LINS1: variants seen among roughly 807,000 people sequenced by gnomAD.
The protein encoded by LINS1 is lines homolog 1, also known as protein Lines homolog 1.
A neutral mutation model predicts 41.6 loss-of-function variants in LINS1; 27 were observed. That is an observed-to-expected ratio of 0.65 (90% confidence interval 0.48 to 0.89). LINS1 has a LOEUF of 0.89. Among genes scored for constraint, LINS1 ranks in the 40% least tolerant of loss-of-function variants. The pLI, the probability that LINS1 is intolerant of heterozygous loss-of-function variation, is 0.00. For synonymous variants in LINS1, 336 were observed against 312.9 expected, an observed-to-expected ratio of 1.07 and a Z score of -0.78; for missense variants, 955 against 884.1, an observed-to-expected ratio of 1.08 and a Z score of -1.02.
At chr15:100,596,379 ACT>A (rs1038107366) in intron 1 of LINS1, among the ~76,000 whole-genome samples, 4 of 151,114 alleles carry the variant, frequency 2.6e-5, no homozygotes, top group African/African-American at 7.3e-5. Context: ...GAGAATACAA[ACT>A]CTGTCACGTG....
chr15:100,577,478 A>C (rs1253282912), intron 3 of LINS1, among the ~76,000 whole-genome samples: 1 of 152,192 alleles, frequency 6.6e-6, no homozygotes, highest in Admixed American at 6.5e-5. Context: ...GATGTGAAGG[A>C]CCTCTTCAAG....
At chr15:100,574,289 C>T (rs1256728451) in intron 4 of LINS1, 48 bp from the exon 5 acceptor site, 2 of 1,221,346 alleles carry the variant, frequency 1.6e-6, no homozygotes, top group Non-Finnish European at 1.2e-6. Context: ...CAGTCTTCTT[C>T]AAACAATTTT....
intron 4 of LINS1, 118 bp from the exon 5 acceptor site, chr15:100,574,359 C>A (rs1442917884): frequency 1.4e-6 from 1 of 717,342 alleles, no homozygotes; most frequent in African/African-American, 1.8e-5. Flanking sequence ...GGAATGTTTA[C>A]CTCTAACATT....
intron 1 of LINS1, among the ~76,000 whole-genome samples, chr15:100,593,960 T>G (rs2039142785): frequency 1.3e-5 from 2 of 152,228 alleles, no homozygotes; most frequent in South Asian, 4.1e-4. Context: ...GATAGCGATT[T>G]GACTGAGTTT....
At chr15:100,585,441 T>A (rs954557088) in intron 1 of LINS1, among the ~76,000 whole-genome samples, 2 of 152,234 alleles carry the variant, frequency 1.3e-5, no homozygotes, top group African/African-American at 2.4e-5. Flanking sequence ...GCAGGGGGCC[T>A]GGTTAACATG....
intron 3 of LINS1, 71 bp from the exon 4 acceptor site, chr15:100,575,199 A>T (rs981904243): frequency 8.1e-6 from 11 of 1,358,504 alleles, no homozygotes; most frequent in Non-Finnish European, 1.1e-5. Context: ...TGTATACAAC[A>T]TTGTTTATAC....
rs570451134 is a variant in LINS1, at chr15:100,566,947, T to C, written c.*2291A>G. 6.6e-6 allele frequency: 1 copy of C among 152,352 alleles called. No individual in the cohort carries two copies. The highest frequency in any genetic ancestry group is 1.5e-5 in the Non-Finnish European group (1 of 68,030). The allele number at this position is 152,352 out of a possible 1,614,324, so 9.4% of individuals were successfully genotyped here. A position where few individuals can be genotyped will look rare whatever the true frequency, so the allele number is the denominator to read the frequency against. On this transcript the variant is annotated 3_prime_UTR_variant, in exon 7 of 7. Transcript: ENST00000314742. ...CATGAGTTATAATGCATTCAACATTTATGTACCCTTAGGAACAAGAGTCGA... is the reference window on the plus strand; with the variant it reads ...CATGAGTTATAATGCATTCAACATTCATGTACCCTTAGGAACAAGAGTCGA...
At chr15:100,570,394 A>G (rs1294212893) in intron 6 of LINS1, 1 of 318,708 alleles carries the variant, frequency 3.1e-6, no homozygotes, top group African/African-American at 2.2e-5. Flanking sequence ...AGAACTCCTC[A>G]TTCTTATAGG....
rs56911211 is a variant in LINS1, at chr15:100,600,551, C to CAAAAAAAAAAAAAAAAAAA, written c.-104+1551_-104+1569dup. On this transcript the variant is annotated intron_variant, in intron 1 of 6. Coordinates refer to ENST00000314742, the MANE Select transcript of LINS1 (RefSeq NM_001040616.3). ...TTTACATTGGAGTCCTGCTGTTAAG[C>CAAAAAAAAAAAAAAAAAAA]AAAAAAAAAAAAAAAAAAAACAGGG... 3.0e-4 allele frequency among the ~76,000 whole-genome samples: 24 copies of CAAAAAAAAAAAAAAAAAAA among 79,676 alleles called. 5 individuals are homozygous for CAAAAAAAAAAAAAAAAAAA. The highest frequency in any genetic ancestry group is 1.5e-3 in the African/African-American group (23 of 15,012). 52.3% of individuals were successfully genotyped at this position (79,676 alleles called of 152,430 possible).
intron 1 of LINS1, among the ~76,000 whole-genome samples, chr15:100,597,584 A>G (rs1426623983): frequency 6.6e-6 from 1 of 152,234 alleles, no homozygotes; most frequent in Non-Finnish European, 1.5e-5. Flanking sequence ...AAATAAATGG[A>G]AATTATCCAG....
chr15:100,596,826 T>C (rs1357129304), intron 1 of LINS1: 2 of 152,172 alleles, frequency 1.3e-5, no homozygotes, highest in Non-Finnish European at 2.9e-5. Context: ...GGCCAAAAAC[T>C]TGACTGAATG....
At chr15:100,601,261 T>C (rs1358806561) in intron 1 of LINS1, among the ~76,000 whole-genome samples, 3 of 152,196 alleles carry the variant, frequency 2.0e-5, no homozygotes, top group Non-Finnish European at 4.4e-5. Context: ...AGTAATTTAT[T>C]GTCTAGTTTT....
intron 1 of LINS1, among the ~76,000 whole-genome samples, chr15:100,591,829 T>C (rs886728990): frequency 1.3e-5 from 2 of 152,126 alleles, no homozygotes; most frequent in African/African-American, 4.8e-5. Flanking sequence ...TCCCAATAGG[T>C]AGGGACTGTG....
chr15:100,574,943 C>T (rs748904728), intron 4 of LINS1, 44 bp downstream of exon 4: 7 of 1,592,116 alleles, frequency 4.4e-6, no homozygotes, highest in Non-Finnish European at 6.0e-6. Context: ...GCAACGCTCC[C>T]AGGAGCAAGA....
At position 100,568,071 on chromosome 15, in the gene LINS1, A is replaced by G. The variant is rs917603282; in HGVS notation, c.*1167T>C. On this transcript the variant is annotated 3_prime_UTR_variant, in exon 7 of 7. Transcript: ENST00000314742. The stretch of plus-strand genomic sequence containing the variant: ...GCTCCTATTACACAAACATATTACA[A>G]TGGAATTTACGGCTTCCCCTCAAGA... The G allele has an allele frequency of 5.9e-5, 9 of 152,326 alleles. No individual in the cohort carries two copies. Among genetic ancestry groups the G allele is most frequent in the East Asian group, 5.8e-4 (3 of 5,190 alleles). The allele number at this position is 152,326 out of a possible 1,614,324, so 9.4% of individuals were successfully genotyped here.
rs376635940 is a variant in LINS1, at chr15:100,574,149, T to C, written c.724A>G (p.Thr242Ala). 11 of 1,613,708 alleles carry C rather than the reference T, an allele frequency of 6.8e-6. No homozygotes were observed. The highest frequency in any genetic ancestry group is 3.3e-4 in the Middle Eastern group (2 of 6,082). The change falls in exon 5 of 7, where the codon ACT becomes GCT. Residue 242 changes from threonine (T) to alanine (A), a missense_variant. Thr to Ala is a moderately conservative substitution (Grantham distance 58, BLOSUM62 0). Coordinates refer to ENST00000314742, the MANE Select transcript of LINS1 (RefSeq NM_001040616.3). ...FSQHFENCRDTSKIVNILMCF... is the reference protein window; with the variant it reads ...FSQHFENCRDASKIVNILMCF... Reference sequence around the variant, plus strand: ...ATCAGGATGTTTACTATTTTAGAAGTATCCCGGCAGTTTTCAAAATGCTGA... The same window carrying C: ...ATCAGGATGTTTACTATTTTAGAAGCATCCCGGCAGTTTTCAAAATGCTGA...
At chr15:100,573,524 T>C (rs893028942) in intron 5 of LINS1, 127 bp downstream of exon 5, 15 of 756,766 alleles carry the variant, frequency 2.0e-5, no homozygotes, top group Non-Finnish European at 3.1e-5. Context: ...ATGTAATAAG[T>C]TACAAATAGG....
In LINS1 at chr15:100,587,182, A is replaced by AAAG. The variant is rs1555434011; in HGVS notation, c.-103-6238_-103-6237insCTT. Among the ~76,000 whole-genome samples, 1,180 of 124,308 alleles carry AAAG rather than the reference A, an allele frequency of 9.5e-3. 98 individuals are homozygous for AAAG. Among genetic ancestry groups the AAAG allele is most frequent in the African/African-American group, 0.031 (1,016 of 32,896 alleles). 81.6% of individuals were successfully genotyped at this position (124,308 alleles called of 152,430 possible). ...TAAAAAAAAAAAAAAAAAAAAAAAAACATTAGCAGTTTGGCAATTCTTTAA... is the reference window on the plus strand; with the variant it reads ...TAAAAAAAAAAAAAAAAAAAAAAAAAAAGCATTAGCAGTTTGGCAATTCTTTAA... On this transcript the variant is annotated intron_variant, in intron 1 of 6. Coordinates refer to ENST00000314742, the MANE Select transcript of LINS1 (RefSeq NM_001040616.3).
chr15:100,574,866 A>T (rs536496010), intron 4 of LINS1, 121 bp downstream of exon 4: 85 of 1,045,652 alleles, frequency 8.1e-5, no homozygotes, highest in Non-Finnish European at 1.1e-4. Flanking sequence ...ATTGGAAGAG[A>T]CTGACTTTTT....
Sources: gnomAD v4.1 joint callset for allele counts (sites outside exome capture counted in the v4.1 genomes callset) on GRCh38, gnomAD v4.1.1 for gene constraint, MANE v1.5 for transcripts, NCBI Gene and HGNC (gene_info 2026-07-23, HGNC 2026-07-21) for gene names.